Variants in NELL1 observed in about 807,000 individuals in gnomAD.
The protein encoded by NELL1 is neural EGFL like 1.
A neutral mutation model predicts 107.4 loss-of-function variants in NELL1; 76 were observed. The observed-to-expected ratio is 0.71, with a 90% CI of 0.59 to 0.86. The LOEUF (loss-of-function observed/expected upper bound fraction) is 0.86. Ranked by LOEUF, NELL1 falls within the 40% of genes least tolerant of loss-of-function variation. The pLI, the probability that NELL1 is intolerant of heterozygous loss-of-function variation, is 0.00. For missense variants in NELL1, 1,024 were observed against 1,005.5 expected (o/e 1.02, Z -0.25); for synonymous variants, 353 against 341.2 (o/e 1.03, Z -0.38).
chr11:20,912,422 C>A (rs1437609701), intron 5 of NELL1, among the ~76,000 whole-genome samples: 1 of 152,112 alleles, frequency 6.6e-6, no homozygotes, highest in Non-Finnish European at 1.5e-5. Context: ...TGGTTGATTA[C>A]CCACTCAATT....
At chr11:21,170,475 A>C (rs1057164184) in intron 13 of NELL1, among the ~76,000 whole-genome samples, 2 of 151,738 alleles carry the variant, frequency 1.3e-5, no homozygotes, top group African/African-American at 4.9e-5. Context: ...ATACCACAAT[A>C]TATTGCTATT....
intron 12 of NELL1, among the ~76,000 whole-genome samples, chr11:21,112,867 C>T (rs181885649): frequency 2.1e-3 from 312 of 152,132 alleles, no homozygotes; most frequent in Non-Finnish European, 3.7e-3. Flanking sequence ...GAACATAAAT[C>T]TGTTTTTGAA....
chr11:21,444,517 T>G (rs1853370169), intron 15 of NELL1, among the ~76,000 whole-genome samples: 1 of 152,156 alleles, frequency 6.6e-6, no homozygotes, highest in Admixed American at 6.5e-5. Context: ...TTGCTAATAG[T>G]ACAATTGAAA....
intron 13 of NELL1, among the ~76,000 whole-genome samples, chr11:21,184,681 C>A (rs961584338): frequency 1.5e-4 from 23 of 151,790 alleles, no homozygotes; most frequent in Non-Finnish European, 1.3e-4. Flanking sequence ...ACTAGTTTTC[C>A]TACAAAAGCA....
At chr11:21,517,362 G>A (rs144781673) in intron 15 of NELL1, among the ~76,000 whole-genome samples, 4 of 152,234 alleles carry the variant, frequency 2.6e-5, no homozygotes, top group African/African-American at 7.2e-5. Flanking sequence ...TTAGACAGAC[G>A]GTGAATAAAC....
chr11:21,145,677 C>A (rs1189949904), intron 13 of NELL1, among the ~76,000 whole-genome samples: 1 of 152,092 alleles, frequency 6.6e-6, no homozygotes, highest in East Asian at 1.9e-4. Flanking sequence ...GTAAGACATG[C>A]CCAAGAAAAA....
intron 14 of NELL1, among the ~76,000 whole-genome samples, chr11:21,335,065 C>G (rs1850360001): frequency 6.6e-6 from 1 of 151,808 alleles, no homozygotes; most frequent in Non-Finnish European, 1.5e-5. Context: ...AAAGTGGAAT[C>G]AAATTCAATT....
At chr11:21,437,236 G>A (rs760085152) in intron 15 of NELL1, among the ~76,000 whole-genome samples, 4 of 152,040 alleles carry the variant, frequency 2.6e-5, no homozygotes, top group Non-Finnish European at 5.9e-5. Flanking sequence ...ATTGTATTGG[G>A]CTCTATCTTT....
chr11:20,909,397 C>A (rs537868342), intron 5 of NELL1, among the ~76,000 whole-genome samples: 1 of 152,150 alleles, frequency 6.6e-6, no homozygotes, highest in Non-Finnish European at 1.5e-5. Flanking sequence ...GGTTGGGACC[C>A]AAATCTTTTC....
intron 16 of NELL1, among the ~76,000 whole-genome samples, chr11:21,538,635 C>T (rs1419052466): frequency 1.3e-5 from 2 of 152,100 alleles, no homozygotes; most frequent in African/African-American, 4.8e-5. Context: ...CTGTAGGGTA[C>T]AATGCACTCT....
At chr11:21,134,834 G>A (rs145095965) in intron 13 of NELL1, among the ~76,000 whole-genome samples, 6 of 152,210 alleles carry the variant, frequency 3.9e-5, no homozygotes, top group African/African-American at 9.6e-5. Flanking sequence ...ATAGCATTTC[G>A]GAGCCAGCAG....
At chr11:21,494,744 C>T (rs574772256) in intron 15 of NELL1, among the ~76,000 whole-genome samples, 230 of 151,740 alleles carry the variant, frequency 1.5e-3, no homozygotes, top group African/African-American at 5.3e-3. Flanking sequence ...AATATTCATG[C>T]AATGTAATAT....
intron 2 of NELL1, among the ~76,000 whole-genome samples, chr11:20,782,505 G>A (rs913445990): frequency 2.0e-5 from 3 of 152,198 alleles, no homozygotes; most frequent in Non-Finnish European, 2.9e-5. Flanking sequence ...CCCTCATTTT[G>A]CAGATGAGGG....
chr11:20,943,718 C>T (rs545581047), intron 10 of NELL1, among the ~76,000 whole-genome samples: 1 of 152,186 alleles, frequency 6.6e-6, no homozygotes, highest in African/African-American at 2.4e-5. Flanking sequence ...AGTGAGCCAG[C>T]TGGGATCAGA....
At chr11:20,846,426 A>G (rs1186640185) in intron 3 of NELL1, among the ~76,000 whole-genome samples, 4 of 152,278 alleles carry the variant, frequency 2.6e-5, no homozygotes, top group Admixed American at 2.0e-4. Flanking sequence ...TAGCCAGCTC[A>G]GTGGATTAGA....
intron 15 of NELL1, among the ~76,000 whole-genome samples, chr11:21,408,044 A>G (rs1217641976): frequency 1.3e-5 from 2 of 151,874 alleles, no homozygotes; most frequent in Admixed American, 6.6e-5. Context: ...TCAGTTGCAC[A>G]TAGAGGGGTG....
intron 15 of NELL1, among the ~76,000 whole-genome samples, chr11:21,466,249 G>A (rs995581723): frequency 3.9e-5 from 6 of 152,084 alleles, no homozygotes; most frequent in South Asian, 2.1e-4. Context: ...TCAGCATTGC[G>A]GAGGACTAGT....
At chr11:21,414,443 G>C (rs1045256327) in intron 15 of NELL1, among the ~76,000 whole-genome samples, 1 of 152,026 alleles carries the variant, frequency 6.6e-6, no homozygotes, top group Non-Finnish European at 1.5e-5. Context: ...GAATGAGAAA[G>C]GGATTTTTAG....
intron 6 of NELL1, 79 bp from the exon 7 acceptor site, chr11:20,919,173 C>A: frequency 2.5e-6 from 2 of 804,524 alleles, no homozygotes; most frequent in South Asian, 2.1e-5. Flanking sequence ...TCTACATAGT[C>A]ACGTATCTAC....
Sources: gnomAD v4.1 joint callset for allele counts (sites outside exome capture counted in the v4.1 genomes callset) on GRCh38, gnomAD v4.1.1 for gene constraint, MANE v1.5 for transcripts, NCBI Gene and HGNC (gene_info 2026-07-23, HGNC 2026-07-21) for gene names.